The following SNTG2 variants were observed in gnomAD, a reference collection of about 807,000 sequenced individuals.
SNTG2 encodes the protein syntrophin gamma 2.
In SNTG2, 74 loss-of-function variants were observed where a neutral mutation model predicts 70.9. The observed-to-expected ratio is 1.04, with a 90% CI of 0.86 to 1.27. The LOEUF (loss-of-function observed/expected upper bound fraction) is 1.27, where lower values mean the gene tolerates loss of function less well. SNTG2 is among the 50% of genes most tolerant of loss of function. The probability of loss-of-function intolerance (pLI) is 0.00; values close to 1 mark genes in which losing one functional copy is unlikely to be tolerated. For synonymous variants in SNTG2, 278 were observed against 273.8 expected (o/e 1.02, Z -0.15); for missense variants, 717 against 690.7 (o/e 1.04, Z -0.43).
chr2:1,070,890 G>C (rs1431005026), intron 1 of SNTG2, among the ~76,000 whole-genome samples: 1 of 152,228 alleles, frequency 6.6e-6, no homozygotes, highest in East Asian at 1.9e-4. Context: ...GCAAGCATGT[G>C]ATCCCTGATG....
At chr2:1,092,654 G>A (rs991317758) in intron 2 of SNTG2, among the ~76,000 whole-genome samples, 1 of 152,188 alleles carries the variant, frequency 6.6e-6, no homozygotes, top group African/African-American at 2.4e-5. Flanking sequence ...ATGTAATTCA[G>A]TAATAACTTG....
intron 8 of SNTG2, among the ~76,000 whole-genome samples, chr2:1,194,898 C>T (rs1030902945): frequency 6.6e-6 from 1 of 152,104 alleles, no homozygotes; most frequent in African/African-American, 2.4e-5. Flanking sequence ...CCACAACAGG[C>T]CCCAGTGTAT....
In SNTG2 at chr2:1,209,219, G is replaced by A. The variant is rs202059053; in HGVS notation, c.708G>A (p.Thr236=). 2.2e-4 allele frequency: 352 copies of A among 1,613,768 alleles called. No homozygotes were observed. The highest frequency in any genetic ancestry group is 2.8e-4 in the Non-Finnish European group (328 of 1,179,892). The part of the protein sequence containing the change: ...MARISRYKAG[T]EKLRWNAFEV... ...GCATCTCAAGGTACAAAGCCGGAAC[G>A]GAAAAATTAAGGTGTGTGACCATTG... Residue 236 remains threonine (T), a synonymous_variant, in exon 9 of 17, where the codon ACG becomes ACA. Transcript: ENST00000308624.
intron 1 of SNTG2, among the ~76,000 whole-genome samples, chr2:1,070,207 C>T (rs1042852436): frequency 6.6e-6 from 1 of 152,084 alleles, no homozygotes; most frequent in African/African-American, 2.4e-5. Context: ...GGAGACCCCA[C>T]CTGACTCTGA....
intron 4 of SNTG2, among the ~76,000 whole-genome samples, chr2:1,106,296 C>T (rs549178747): frequency 8.9e-6 from 1 of 112,144 alleles, no homozygotes; most frequent in East Asian, 2.7e-4. Flanking sequence ...TGCTGTCACT[C>T]GGGTGCAGGG....
At chr2:1,363,990 G>A (rs1461454145) in intron 16 of SNTG2, among the ~76,000 whole-genome samples, 2 of 152,008 alleles carry the variant, frequency 1.3e-5, no homozygotes, top group Non-Finnish European at 2.9e-5. Flanking sequence ...TTTTTTTTGA[G>A]ACAGAGTTTC....
At chr2:1,133,916 G>GC (rs75645637) in intron 4 of SNTG2, among the ~76,000 whole-genome samples, 18,255 of 152,092 alleles carry the variant, frequency 0.12, 1,152 homozygotes, top group Admixed American at 0.15. Flanking sequence ...GCGGACCCTC[G>GC]CGGTGAGTGT....
intron 1 of SNTG2, among the ~76,000 whole-genome samples, chr2:1,070,296 G>A (rs1204563904): frequency 6.6e-6 from 1 of 152,042 alleles, no homozygotes; most frequent in East Asian, 1.9e-4. Flanking sequence ...TGATGACATT[G>A]CAGCTCTTCA....
chr2:990,785 A>G (rs182461914), intron 1 of SNTG2, among the ~76,000 whole-genome samples: 10 of 152,302 alleles, frequency 6.6e-5, no homozygotes, highest in African/African-American at 1.7e-4. Flanking sequence ...TTGGTGTACA[A>G]TAACTCTTTT....
intron 4 of SNTG2, among the ~76,000 whole-genome samples, chr2:1,120,863 A>G (rs142733630): frequency 1.3e-5 from 2 of 152,190 alleles, no homozygotes; most frequent in African/African-American, 2.4e-5. Flanking sequence ...CAGAAAATCA[A>G]TAAGAAAATA....
At chr2:1,102,501 A>T (rs1665843516) in intron 4 of SNTG2, 1 of 152,082 alleles carries the variant, frequency 6.6e-6, no homozygotes, top group Admixed American at 6.6e-5. Flanking sequence ...GTCTGAGAGG[A>T]AGGAGGACTC....
At chr2:1,217,721 T>A (rs1389575401) in intron 9 of SNTG2, among the ~76,000 whole-genome samples, 1 of 152,192 alleles carries the variant, frequency 6.6e-6, no homozygotes. Flanking sequence ...TATGTAGAAA[T>A]GTCTGTTATG....
At chr2:1,173,903 A>G (rs1671298175) in intron 8 of SNTG2, among the ~76,000 whole-genome samples, 1 of 152,284 alleles carries the variant, frequency 6.6e-6, no homozygotes, top group South Asian at 2.1e-4. Context: ...CGAGAAATGT[A>G]GAATCCTGTA....
At chr2:1,258,196 T>C (rs1254021628) in intron 12 of SNTG2, among the ~76,000 whole-genome samples, 1 of 152,184 alleles carries the variant, frequency 6.6e-6, no homozygotes, top group Non-Finnish European at 1.5e-5. Context: ...TGATGTTTTA[T>C]TTCAGGCATC....
chr2:1,128,303 A>T (rs181891739), intron 4 of SNTG2, among the ~76,000 whole-genome samples: 121 of 152,264 alleles, frequency 7.9e-4, no homozygotes, highest in Non-Finnish European at 1.2e-3. Flanking sequence ...TCATTTCACC[A>T]TTTGGGGCTG....
intron 4 of SNTG2, among the ~76,000 whole-genome samples, chr2:1,126,036 C>T (rs1667679425): frequency 6.6e-6 from 1 of 152,068 alleles, no homozygotes; most frequent in South Asian, 2.1e-4. Flanking sequence ...TGAAAATAAA[C>T]AATATATTAT....
In SNTG2 at chr2:1,301,418, C is replaced by T. The variant is rs571611887; in HGVS notation, c.1285-7076C>T. On this transcript the variant is annotated intron_variant, in intron 14 of 16. Transcript: ENST00000308624. ...AGGAGAAAAGAAGTACTGAGAAGTA[C>T]TCAAAAAATATTATGGCCTCAAACT... 7.2e-5 allele frequency among the ~76,000 whole-genome samples: 11 copies of T among 152,272 alleles called. 1 individual carries two copies. Among genetic ancestry groups the T allele is most frequent in the Middle Eastern group, 3.4e-3 (1 of 294 alleles).
In SNTG2 at chr2:1,311,711, C is replaced by T. The variant is rs73908842; in HGVS notation, c.1377+3125C>T. ...TAATTATTTAAAATGTTACTTTCTC[C>T]GGTACCCACATGCCCTCTTATTAGT... On this transcript the variant is annotated intron_variant, in intron 15 of 16. Transcript: ENST00000308624. Among the ~76,000 whole-genome samples the T allele has an allele frequency of 3.5e-3, 539 of 152,212 alleles. 3 individuals carry two copies. Among genetic ancestry groups the T allele is most frequent in the African/African-American group, 0.012 (515 of 41,548 alleles).
intron 8 of SNTG2, among the ~76,000 whole-genome samples, chr2:1,189,054 TA>T (rs1672418870): frequency 6.6e-6 from 1 of 152,058 alleles, no homozygotes; most frequent in African/African-American, 2.4e-5. Flanking sequence ...CTAGATGACC[TA>T]AAAATGCAGC....
Sources: gnomAD v4.1 joint callset for allele counts (sites outside exome capture counted in the v4.1 genomes callset) on GRCh38, gnomAD v4.1.1 for gene constraint, MANE v1.5 for transcripts, NCBI Gene and HGNC (gene_info 2026-07-23, HGNC 2026-07-21) for gene names.